INO80D: variants seen among roughly 807,000 people sequenced by gnomAD.
The protein encoded by INO80D is INO80 complex subunit D.
Under a neutral mutation model 87.6 loss-of-function variants are expected in INO80D, and 21 were observed. The observed-to-expected ratio is 0.24, with a 90% confidence interval of 0.17 to 0.35. INO80D has a LOEUF of 0.35. INO80D is among the 10% of genes least tolerant of loss of function. INO80D has a pLI of 1.00. For synonymous variants in INO80D, 440 were observed against 491.0 expected, an observed-to-expected ratio of 0.90 and a Z score of 1.37; for missense variants, 982 against 1,280.7, an observed-to-expected ratio of 0.77 and a Z score of 3.56.
At chr2:206,069,357 T>C (rs1281071011) in intron 1 of INO80D, among the ~76,000 whole-genome samples, 2 of 152,134 alleles carry the variant, frequency 1.3e-5, no homozygotes. Flanking sequence ...AAAAATATAA[T>C]ATATAATACA....
intron 8 of INO80D, among the ~76,000 whole-genome samples, chr2:206,010,372 A>G (rs1208040083): frequency 6.6e-6 from 1 of 152,084 alleles, no homozygotes; most frequent in East Asian, 1.9e-4. Flanking sequence ...ACTGCCTTTC[A>G]CATGTCAAGC....
At chr2:206,080,771 C>T (rs1231103662) in intron 1 of INO80D, among the ~76,000 whole-genome samples, 3 of 151,332 alleles carry the variant, frequency 2.0e-5, no homozygotes, top group Admixed American at 6.6e-5. Flanking sequence ...GCCGGGTGTG[C>T]GGGCGCCTGT....
In INO80D at chr2:206,040,586, G is replaced by T. The variant is rs185540602; in HGVS notation, c.1073+5918C>A. The T allele has an allele frequency of 8.8e-4, 233 of 264,822 alleles. 1 individual carries two copies. The highest frequency in any genetic ancestry group is 5.0e-3 in the African/African-American group (221 of 44,152). 16.4% of individuals were successfully genotyped at this position (264,822 alleles called of 1,614,324 possible). On this transcript the variant is annotated intron_variant, in intron 5 of 10. Coordinates refer to ENST00000403263, the MANE Select transcript of INO80D (RefSeq NM_017759.5). The stretch of plus-strand genomic sequence containing the variant: ...GTGGTTGGAATTGATCGCTATCCCT[G>T]CAAAGTGACAGCTGCCATGGGCAAA...
At position 206,004,649 on chromosome 2, in the gene INO80D, C is replaced by G. The variant is rs202107782; in HGVS notation, c.2803G>C (p.Ala935Pro). ...SNSETTQPAF[A>P]TVTPSSSSVL... ...CTGGAGCTGCTGGGGGTCACGGTGG[C>G]GAAGGCAGGCTGTGTGGTCTCTGAG... is the stretch of plus-strand genomic sequence containing the variant. The change falls in exon 11 of 11, where the codon GCC becomes CCC. Residue 935 changes from alanine (A) to proline (P), a missense_variant. Transcript: ENST00000403263. The surrounding 1 kb of genome is among the most constrained non-coding windows in gnomAD (Gnocchi z 4.9). 188 of 1,613,482 alleles carry G rather than the reference C, an allele frequency of 1.2e-4. No individual in the cohort carries two copies. Among genetic ancestry groups the G allele is most frequent in the Non-Finnish European group, 1.5e-4 (182 of 1,179,714 alleles).
chr2:206,069,238 T>A (rs933512125), intron 1 of INO80D, among the ~76,000 whole-genome samples: 4 of 152,146 alleles, frequency 2.6e-5, no homozygotes, highest in Non-Finnish European at 5.9e-5. Flanking sequence ...TTTTCCTCCA[T>A]CTATTCAATG....
rs1687851825 is a variant in INO80D at position 205,998,670 on chromosome 2, T to C, written c.*5698A>G. 1 of 152,066 alleles carries C rather than the reference T, an allele frequency of 6.6e-6. No homozygotes were observed. 9.4% of individuals were successfully genotyped at this position (152,066 alleles called of 1,614,324 possible). A position where few individuals can be genotyped will look rare whatever the true frequency, so the allele number is the denominator to read the frequency against. On this transcript the variant is annotated 3_prime_UTR_variant, in exon 11 of 11. Coordinates refer to ENST00000403263, the MANE Select transcript of INO80D (RefSeq NM_017759.5). Reference sequence around the variant, plus strand: ...TAAATAAAAGTTTTAAAGCTGTGCGTGATGGGAAAGGATTCTGTATTCTGA... The same window carrying C: ...TAAATAAAAGTTTTAAAGCTGTGCGCGATGGGAAAGGATTCTGTATTCTGA...
intron 5 of INO80D, among the ~76,000 whole-genome samples, chr2:206,041,335 A>C (rs917888262): frequency 1.3e-5 from 2 of 152,228 alleles, no homozygotes; most frequent in African/African-American, 4.8e-5. Flanking sequence ...TTTAAATATA[A>C]AGATGCAAAT....
chr2:206,044,667 C>A (rs1181864926), intron 5 of INO80D, among the ~76,000 whole-genome samples: 3 of 152,050 alleles, frequency 2.0e-5, no homozygotes, highest in African/African-American at 4.8e-5. Context: ...GATAACTCTG[C>A]AAGAATAGAA....
At chr2:206,034,881 G>C in intron 5 of INO80D, among the ~76,000 whole-genome samples, 1 of 152,082 alleles carries the variant, frequency 6.6e-6, no homozygotes, top group East Asian at 1.9e-4. Context: ...ACTGATAAAA[G>C]AATTCAGTAA....
At chr2:206,068,315 G>T (rs1015610408) in intron 1 of INO80D, among the ~76,000 whole-genome samples, 1 of 152,082 alleles carries the variant, frequency 6.6e-6, no homozygotes, top group Non-Finnish European at 1.5e-5. Context: ...GCCCAGGCTG[G>T]TCTCAAACTC....
chr2:206,025,372 A>T (rs1321493942), intron 6 of INO80D, among the ~76,000 whole-genome samples: 1 of 151,040 alleles, frequency 6.6e-6, no homozygotes, highest in African/African-American at 2.4e-5. Flanking sequence ...TACTAAAAAT[A>T]CAAAAATTAG....
chr2:206,071,009 G>A (rs1218935915), intron 1 of INO80D, among the ~76,000 whole-genome samples: 1 of 151,272 alleles, frequency 6.6e-6, no homozygotes, highest in Non-Finnish European at 1.5e-5. Flanking sequence ...CCAGGCTGGA[G>A]TGCAATGGCA....
intron 1 of INO80D, among the ~76,000 whole-genome samples, chr2:206,066,863 A>G (rs1689830406): frequency 6.6e-6 from 1 of 152,152 alleles, no homozygotes; most frequent in South Asian, 2.1e-4. Flanking sequence ...TAGAACTAGA[A>G]GACATTATCT....
intron 4 of INO80D, among the ~76,000 whole-genome samples, chr2:206,049,972 A>T (rs1472271099): frequency 6.6e-6 from 1 of 151,800 alleles, no homozygotes; most frequent in African/African-American, 2.4e-5. Context: ...TCTCTACTAA[A>T]AATACAAAAA....
intron 5 of INO80D, 33 bp from the exon 6 acceptor site, chr2:206,028,368 AT>A (rs1688673338): frequency 1.3e-6 from 2 of 1,501,246 alleles, no homozygotes; most frequent in Non-Finnish European, 1.8e-6. Context: ...GGAAAAACTG[AT>A]TACACATTAG....
At chr2:206,052,058 T>G (rs188060645) in intron 4 of INO80D, among the ~76,000 whole-genome samples, 267 of 152,346 alleles carry the variant, frequency 1.8e-3, no homozygotes, top group African/African-American at 5.9e-3. Context: ...TGAGCACATG[T>G]CTTTATACTA....
rs71301548 is a variant in INO80D at position 206,025,542 on chromosome 2, A to AAAATATATATAT, written c.1298+2568_1298+2569insATATATATATTT. On this transcript the variant is annotated intron_variant, in intron 6 of 10. Coordinates refer to ENST00000403263, the MANE Select transcript of INO80D (RefSeq NM_017759.5). Reference sequence around the variant, plus strand: ...AAACTCCATCTCAAAAAAAAAAAAAAATATATATATATATATATATATATA... The same window carrying AAAATATATATAT: ...AAACTCCATCTCAAAAAAAAAAAAAAAAATATATATATATATATATATATATATATATATATA... The AAAATATATATAT allele has an allele frequency of 1.4e-3, 108 of 76,912 alleles. 1 individual carries two copies. The highest frequency in any genetic ancestry group is 3.3e-3 in the South Asian group (5 of 1,532). The allele number at this position is 76,912 out of a possible 1,614,324, so 4.8% of individuals were successfully genotyped here.
rs775324043 is a variant in INO80D, at chr2:206,017,781, A to G, written c.1441T>C (p.Ser481Pro). ...TCTGCAAACTTGGCTGTGCAACTTG[A>G]GAAGAGCTGCTGAGAGTGGTTCAAG... ...ILLNHSQQLFSSCTAKFADGQ... is the reference protein window; with the variant it reads ...ILLNHSQQLFPSCTAKFADGQ... Residue 481 changes from serine to proline, a missense_variant, in exon 8 of 11, where the codon TCA becomes CCA. Coordinates refer to ENST00000403263, the MANE Select transcript of INO80D (RefSeq NM_017759.5). 8 of 1,613,516 alleles carry G rather than the reference A, an allele frequency of 5.0e-6. No homozygotes were observed. Among genetic ancestry groups the G allele is most frequent in the Non-Finnish European group, 5.1e-6 (6 of 1,179,778 alleles).
intron 6 of INO80D, chr2:206,025,538 A>AT (rs1688586293): frequency 2.9e-5 from 2 of 69,244 alleles, no homozygotes; most frequent in African/African-American, 4.2e-5. Flanking sequence ...CAAAAAAAAA[A>AT]AAAAATATAT....
Sources: allele counts gnomAD v4.1 joint callset (sites outside exome capture counted in the v4.1 genomes callset), GRCh38; gene constraint gnomAD v4.1.1; non-coding constraint Gnocchi (gnomAD v3.1); transcripts MANE v1.5; gene names NCBI Gene and HGNC (gene_info 2026-07-23, HGNC 2026-07-21).